Variants in CEP128 observed in about 807,000 individuals in gnomAD.
CEP128 encodes centrosomal protein 128.
Under a neutral mutation model 156.7 loss-of-function variants are expected in CEP128, and 132 were observed. The ratio of observed to expected loss-of-function variants is 0.84; its 90% confidence interval spans 0.73 to 0.97. The LOEUF is 0.97. Ranked by LOEUF, CEP128 falls within the 50% of genes least tolerant of loss-of-function variation. CEP128 has a pLI of 0.00. For synonymous variants in CEP128, 469 were observed against 448.9 expected (o/e 1.04, Z -0.57); for missense variants, 1,252 against 1,281.9 (o/e 0.98, Z 0.36).
intron 4 of CEP128, among the ~76,000 whole-genome samples, chr14:80,908,188 A>T (rs1245437599): frequency 1.3e-5 from 2 of 152,044 alleles, no homozygotes; most frequent in Non-Finnish European, 2.9e-5. Flanking sequence ...CCCATTTCCG[A>T]CCCACAGAGA....
chr14:80,541,068 A>C (rs1460983640), intron 21 of CEP128, among the ~76,000 whole-genome samples: 2 of 152,218 alleles, frequency 1.3e-5, no homozygotes, highest in African/African-American at 2.4e-5. Context: ...ATCAATAAGA[A>C]GAAATCAGGA....
chr14:80,785,681 C>G, intron 14 of CEP128, 136 bp from the exon 15 acceptor site: 1 of 662,706 alleles, frequency 1.5e-6, no homozygotes. Context: ...TTGTATTTTT[C>G]CCATTTTTTA....
chr14:80,545,851 T>A (rs1345950968), intron 21 of CEP128, among the ~76,000 whole-genome samples: 3 of 152,190 alleles, frequency 2.0e-5, no homozygotes, highest in African/African-American at 7.2e-5. Context: ...CATAAATCAG[T>A]GATTCTCAAC....
At chr14:80,793,179 A>G in intron 13 of CEP128, 69 bp from the exon 14 acceptor site, 1 of 1,168,750 alleles carries the variant, frequency 8.6e-7, no homozygotes. Flanking sequence ...CATATCATCA[A>G]ACAAGAATCT....
chr14:80,622,902 G>A (rs1039565443), intron 19 of CEP128, among the ~76,000 whole-genome samples: 18 of 150,982 alleles, frequency 1.2e-4, no homozygotes, highest in African/African-American at 3.9e-4. Context: ...TCAGTGTGGC[G>A]ATTCCTCAGG....
chr14:80,674,902 C>A (rs1344500682), intron 19 of CEP128, among the ~76,000 whole-genome samples: 1 of 151,690 alleles, frequency 6.6e-6, no homozygotes, highest in Non-Finnish European at 1.5e-5. Context: ...CAGCTACATT[C>A]CATTAAAACC....
At chr14:80,791,312 C>G (rs188418014) in intron 14 of CEP128, among the ~76,000 whole-genome samples, 46 of 152,218 alleles carry the variant, frequency 3.0e-4, no homozygotes, top group Non-Finnish European at 5.0e-4. Flanking sequence ...CACTTTAAAA[C>G]TGCTTCTTTG....
At chr14:80,649,977 A>T (rs867651234) in intron 19 of CEP128, among the ~76,000 whole-genome samples, 8 of 152,202 alleles carry the variant, frequency 5.3e-5, no homozygotes, top group South Asian at 2.1e-4. Flanking sequence ...CTGGATGGGG[A>T]TAGCACTGAA....
intron 2 of CEP128, among the ~76,000 whole-genome samples, chr14:80,918,647 G>C (rs1884690865): frequency 6.6e-6 from 1 of 152,138 alleles, no homozygotes; most frequent in Non-Finnish European, 1.5e-5. Flanking sequence ...CGATTATCCT[G>C]AGAATTAACA....
At chr14:80,889,325 T>C (rs1277303612) in intron 8 of CEP128, among the ~76,000 whole-genome samples, 1 of 152,026 alleles carries the variant, frequency 6.6e-6, no homozygotes, top group Non-Finnish European at 1.5e-5. Context: ...AGCCAAACAA[T>C]CCTAAGCAGA....
chr14:80,598,878 G>A (rs1892456466), intron 19 of CEP128, among the ~76,000 whole-genome samples: 1 of 152,120 alleles, frequency 6.6e-6, no homozygotes, highest in African/African-American at 2.4e-5. Flanking sequence ...AATGGAATGA[G>A]GGTGGAAGAG....
chr14:80,812,997 G>C (rs956354885), intron 13 of CEP128, among the ~76,000 whole-genome samples: 2 of 152,136 alleles, frequency 1.3e-5, no homozygotes, highest in African/African-American at 4.8e-5. Context: ...TCATATGCTT[G>C]TTGGCCATGT....
intron 9 of CEP128, among the ~76,000 whole-genome samples, chr14:80,843,597 A>T (rs774211580): frequency 6.6e-6 from 1 of 152,112 alleles, no homozygotes; most frequent in Non-Finnish European, 1.5e-5. Flanking sequence ...ATATTTTGTA[A>T]TTAAATTCTT....
At chr14:80,612,498 T>C (rs1422762498) in intron 19 of CEP128, among the ~76,000 whole-genome samples, 2 of 152,216 alleles carry the variant, frequency 1.3e-5, no homozygotes, top group Non-Finnish European at 2.9e-5. Context: ...CACTTGAAAG[T>C]GCCATGAATT....
At chr14:80,594,715 GA>G (rs1209220362) in intron 19 of CEP128, among the ~76,000 whole-genome samples, 5 of 152,082 alleles carry the variant, frequency 3.3e-5, no homozygotes, top group Non-Finnish European at 7.4e-5. Flanking sequence ...ACAAATATAT[GA>G]AAAAAAGCTC....
intron 19 of CEP128, among the ~76,000 whole-genome samples, chr14:80,611,776 T>G (rs1201467589): frequency 1.3e-5 from 2 of 152,276 alleles, no homozygotes; most frequent in South Asian, 2.1e-4. Context: ...AAAACTTAGA[T>G]AGGCCGGGTG....
chr14:80,611,500 C>T (rs1245883767), intron 19 of CEP128, among the ~76,000 whole-genome samples: 2 of 151,822 alleles, frequency 1.3e-5, no homozygotes, highest in African/African-American at 4.8e-5. Flanking sequence ...ATTGTAAATA[C>T]CACAAATCTT....
intron 13 of CEP128, among the ~76,000 whole-genome samples, chr14:80,816,723 G>C (rs1370712056): frequency 6.6e-6 from 1 of 152,142 alleles, no homozygotes; most frequent in South Asian, 2.1e-4. Context: ...GGCTAAGGAC[G>C]CTGTCAAAAA....
intron 2 of CEP128, among the ~76,000 whole-genome samples, chr14:80,931,386 G>A (rs1462279342): frequency 2.0e-5 from 3 of 152,144 alleles, no homozygotes; most frequent in Non-Finnish European, 4.4e-5. Context: ...ACCTAACAAC[G>A]TTTTGCAGGA....
Sources: gnomAD v4.1 joint callset for allele counts (sites outside exome capture counted in the v4.1 genomes callset) on GRCh38, gnomAD v4.1.1 for gene constraint, MANE v1.5 for transcripts, NCBI Gene and HGNC (gene_info 2026-07-23, HGNC 2026-07-21) for gene names.